The following B3GALT1 variants were observed in gnomAD, a reference collection of about 807,000 sequenced individuals.
The protein encoded by B3GALT1 is beta-1,3-galactosyltransferase 1.
B3GALT1 carries 10 observed loss-of-function variants against 23.2 expected under a neutral mutation model. The ratio of observed to expected loss-of-function variants is 0.43; its 90% CI spans 0.27 to 0.73. The LOEUF (loss-of-function observed/expected upper bound fraction) is 0.73. B3GALT1 is among the 30% of genes least tolerant of loss of function. The probability of loss-of-function intolerance (pLI) is 0.21; values close to 1 mark genes in which losing one functional copy is unlikely to be tolerated. For missense variants in B3GALT1, 299 were observed against 405.4 expected (o/e 0.74, Z 2.25); for synonymous variants, 156 against 141.5 (o/e 1.10, Z -0.73).
chr2:167,688,569 G>C (rs1197663975), intron 3 of B3GALT1, among the ~76,000 whole-genome samples: 1 of 151,980 alleles, frequency 6.6e-6, no homozygotes, highest in Non-Finnish European at 1.5e-5. Context: ...GGAAAAATCA[G>C]TTAAAGGTGG....
intron 2 of B3GALT1, among the ~76,000 whole-genome samples, chr2:167,500,536 A>G (rs1699836030): frequency 6.6e-6 from 1 of 152,084 alleles, no homozygotes; most frequent in South Asian, 2.1e-4. Context: ...CAGTTTGGCC[A>G]TATCCAGATT....
intron 4 of B3GALT1, among the ~76,000 whole-genome samples, chr2:167,832,716 A>G (rs1417402569): frequency 6.6e-6 from 1 of 152,252 alleles, no homozygotes; most frequent in East Asian, 1.9e-4. Flanking sequence ...TTGCATTAAC[A>G]TCAAATGGTT....
intron 3 of B3GALT1, among the ~76,000 whole-genome samples, chr2:167,703,922 C>T (rs1343833882): frequency 6.6e-6 from 1 of 152,120 alleles, no homozygotes; most frequent in Non-Finnish European, 1.5e-5. Flanking sequence ...TGGCTCACAC[C>T]TGTAATCCCA....
chr2:167,585,168 G>A (rs113232550), intron 2 of B3GALT1, among the ~76,000 whole-genome samples: 2,195 of 152,266 alleles, frequency 0.014, 24 homozygotes, highest in Middle Eastern at 0.017. Flanking sequence ...CTGTATGCCA[G>A]GAAACAGGAG....
chr2:167,349,330 T>C (rs2105253794), intron 1 of B3GALT1, among the ~76,000 whole-genome samples: 1 of 152,310 alleles, frequency 6.6e-6, no homozygotes, highest in African/African-American at 2.4e-5. Context: ...GAACCGTCTG[T>C]TATCAAATCT....
At position 167,353,072 on chromosome 2, in the gene B3GALT1, T is replaced by C. The variant is rs376284313; in HGVS notation, c.-511+59738T>C. 2.6e-5 allele frequency among the ~76,000 whole-genome samples: 4 copies of C among 152,308 alleles called. No individual in the cohort carries two copies. In the East Asian group the frequency reaches 7.7e-4, roughly 29 times the overall value. ...GACCTATCTCTGTATTGTAAGTATG[T>C]CATATATTGACTGGTTTATTCAGTC... On this transcript the variant is annotated intron_variant, in intron 1 of 4. Transcript: ENST00000392690.
intron 1 of B3GALT1, among the ~76,000 whole-genome samples, chr2:167,332,308 A>G (rs936429268): frequency 6.6e-6 from 1 of 152,134 alleles, no homozygotes; most frequent in Non-Finnish European, 1.5e-5. Context: ...AACCAACAAG[A>G]ACGATTTTTA....
At chr2:167,600,711 A>G (rs1684859628) in intron 2 of B3GALT1, among the ~76,000 whole-genome samples, 1 of 152,214 alleles carries the variant, frequency 6.6e-6, no homozygotes, top group South Asian at 2.1e-4. Flanking sequence ...GACATGTGTC[A>G]GGACTGCATG....
chr2:167,315,825 G>GA (rs1322380064), intron 1 of B3GALT1, among the ~76,000 whole-genome samples: 3 of 152,066 alleles, frequency 2.0e-5, no homozygotes, highest in Non-Finnish European at 2.9e-5. Flanking sequence ...CACACAGGTA[G>GA]AAAAAATGTT....
At chr2:167,598,955 C>A (rs964126362) in intron 2 of B3GALT1, among the ~76,000 whole-genome samples, 1 of 152,090 alleles carries the variant, frequency 6.6e-6, no homozygotes, top group African/African-American at 2.4e-5. Flanking sequence ...TTTAGACTGT[C>A]CAGTACCACA....
intron 1 of B3GALT1, among the ~76,000 whole-genome samples, chr2:167,299,933 G>A (rs1273002891): frequency 6.6e-6 from 1 of 150,926 alleles, no homozygotes; most frequent in Non-Finnish European, 1.5e-5. Context: ...ATGGAGTTTC[G>A]CTCTTATTGC....
At chr2:167,743,527 G>T (rs1687607109) in intron 3 of B3GALT1, among the ~76,000 whole-genome samples, 1 of 151,922 alleles carries the variant, frequency 6.6e-6, no homozygotes, top group Non-Finnish European at 1.5e-5. Context: ...AGATATGTCT[G>T]TTTTTATCTT....
At chr2:167,857,841 A>G (rs1470561505) in intron 4 of B3GALT1, among the ~76,000 whole-genome samples, 1 of 152,108 alleles carries the variant, frequency 6.6e-6, no homozygotes, top group Non-Finnish European at 1.5e-5. Context: ...TATAAATCTG[A>G]TTCTAGCGCT....
intron 3 of B3GALT1, among the ~76,000 whole-genome samples, chr2:167,744,023 C>A (rs1268919991): frequency 6.6e-6 from 1 of 152,064 alleles, no homozygotes; most frequent in Non-Finnish European, 1.5e-5. Flanking sequence ...ATGAGTTATT[C>A]AACACTATAT....
chr2:167,707,763 G>T (rs150446919), intron 3 of B3GALT1, among the ~76,000 whole-genome samples: 1 of 152,070 alleles, frequency 6.6e-6, no homozygotes, highest in Non-Finnish European at 1.5e-5. Flanking sequence ...AACCTAACAC[G>T]TCCACAGATT....
Position 167,693,305 on chromosome 2 carries a change from G to A in B3GALT1, c.-352+46339G>A, listed in dbSNP as rs570086608. 1.3e-3 allele frequency among the ~76,000 whole-genome samples: 195 copies of A among 152,206 alleles called. 5 individuals carry two copies. The highest frequency in any genetic ancestry group is 0.013 in the Admixed American group (192 of 15,264). On this transcript the variant is annotated intron_variant, in intron 3 of 4. Transcript: ENST00000392690. ...AGAGATGTCAGCAGATGTTGCACCA[G>A]ATGCCAATGAGTGTGGCAGTCTCTC...
At chr2:167,867,913 C>G (rs980071761) in intron 4 of B3GALT1, among the ~76,000 whole-genome samples, 1 of 152,186 alleles carries the variant, frequency 6.6e-6, no homozygotes, top group African/African-American at 2.4e-5. Flanking sequence ...CAGCTGAAGT[C>G]TCCATCACAT....
intron 4 of B3GALT1, among the ~76,000 whole-genome samples, chr2:167,838,601 A>G (rs1275050451): frequency 6.6e-6 from 1 of 152,292 alleles, no homozygotes; most frequent in Non-Finnish European, 1.5e-5. Context: ...CAGAGGTACA[A>G]GGAGGAACTG....
At chr2:167,562,351 T>C (rs1684018439) in intron 2 of B3GALT1, among the ~76,000 whole-genome samples, 1 of 152,160 alleles carries the variant, frequency 6.6e-6, no homozygotes, top group Admixed American at 6.5e-5. Flanking sequence ...GCCAATATCA[T>C]ACTGAATTGG....
Sources: allele counts gnomAD v4.1 joint callset (sites outside exome capture counted in the v4.1 genomes callset), GRCh38; gene constraint gnomAD v4.1.1; transcripts MANE v1.5; gene names NCBI Gene and HGNC (gene_info 2026-07-23, HGNC 2026-07-21).